PLCB1: variants seen among roughly 807,000 people sequenced by gnomAD.
PLCB1 encodes the protein phospholipase C beta 1.
A neutral mutation model predicts 161.8 loss-of-function variants in PLCB1; 46 were observed. That is an observed-to-expected ratio of 0.28 (90% CI 0.22 to 0.36). The LOEUF is 0.36. Among genes scored for constraint, PLCB1 ranks in the 10% least tolerant of loss-of-function variants. The probability of loss-of-function intolerance (pLI) is 1.00; values close to 1 mark genes in which losing one functional copy is unlikely to be tolerated. For missense variants in PLCB1, 1,016 were observed against 1,472.5 expected, an observed-to-expected ratio of 0.69 and a Z score of 5.07; for synonymous variants, 517 against 503.7, an observed-to-expected ratio of 1.03 and a Z score of -0.35.
intron 2 of PLCB1, among the ~76,000 whole-genome samples, chr20:8,272,796 T>C (rs1009808299): frequency 1.3e-5 from 2 of 152,146 alleles, no homozygotes; most frequent in African/African-American, 4.8e-5. Context: ...ATAAAAAATA[T>C]TGAAGTCCCT....
chr20:8,658,808 GT>G, intron 9 of PLCB1, 104 bp downstream of exon 9: 1 of 918,104 alleles, frequency 1.1e-6, no homozygotes, highest in Non-Finnish European at 1.6e-6. Flanking sequence ...AGTTTCCTCT[GT>G]TTACAAGGCA....
intron 2 of PLCB1, among the ~76,000 whole-genome samples, chr20:8,322,616 C>T (rs939087496): frequency 2.0e-5 from 3 of 151,826 alleles, no homozygotes; most frequent in African/African-American, 4.8e-5. Context: ...GAAGTTATTC[C>T]ACAAGCATTT....
At chr20:8,555,753 T>G (rs989676946) in intron 3 of PLCB1, among the ~76,000 whole-genome samples, 4 of 152,078 alleles carry the variant, frequency 2.6e-5, no homozygotes, top group Non-Finnish European at 5.9e-5. Context: ...TATTTGTTTG[T>G]CAGGGCTTCA....
chr20:8,308,618 CAAAAAAAAAAAA>C (rs71183088), intron 2 of PLCB1, among the ~76,000 whole-genome samples: 1 of 73,614 alleles, frequency 1.4e-5, no homozygotes, highest in African/African-American at 4.5e-5. Flanking sequence ...TTCCGTATAT[CAAAAAAAAAAAA>C]AAAAAAAAAA....
intron 3 of PLCB1, among the ~76,000 whole-genome samples, chr20:8,429,325 A>C (rs754518226): frequency 6.6e-6 from 1 of 152,244 alleles, no homozygotes; most frequent in Non-Finnish European, 1.5e-5. Context: ...GGAAAGACAA[A>C]GAATTTCCTG....
chr20:8,602,784 T>C (rs1245174793), intron 3 of PLCB1, among the ~76,000 whole-genome samples: 1 of 152,204 alleles, frequency 6.6e-6, no homozygotes, highest in Non-Finnish European at 1.5e-5. Flanking sequence ...TTCTGTGGCT[T>C]ATGAAAGAGA....
At chr20:8,176,614 TTAAA>T (rs1303379162) in intron 2 of PLCB1, among the ~76,000 whole-genome samples, 10 of 152,070 alleles carry the variant, frequency 6.6e-5, no homozygotes. Flanking sequence ...TTGTATAGAA[TTAAA>T]TACACACACA....
chr20:8,718,094 C>T (rs1032858740), intron 14 of PLCB1, among the ~76,000 whole-genome samples: 3 of 152,098 alleles, frequency 2.0e-5, no homozygotes, highest in Non-Finnish European at 2.9e-5. Flanking sequence ...GTGGCACGTA[C>T]CTGTAGTCCC....
intron 31 of PLCB1, among the ~76,000 whole-genome samples, chr20:8,833,437 G>A (rs1986110418): frequency 6.6e-6 from 1 of 152,192 alleles, no homozygotes; most frequent in Non-Finnish European, 1.5e-5. Context: ...CATTACTCAT[G>A]GGGATTATGG....
intron 2 of PLCB1, among the ~76,000 whole-genome samples, chr20:8,231,815 T>C (rs981965864): frequency 3.3e-5 from 5 of 152,138 alleles, no homozygotes; most frequent in African/African-American, 1.2e-4. Flanking sequence ...ATAGACAAAA[T>C]TATCAACCTC....
chr20:8,824,670 T>A (rs932980883), intron 31 of PLCB1, among the ~76,000 whole-genome samples: 2 of 152,184 alleles, frequency 1.3e-5, no homozygotes, highest in African/African-American at 4.8e-5. Context: ...GGCTTAGCAG[T>A]ACAATGAGGA....
chr20:8,642,383 G>A (rs768794707), intron 4 of PLCB1, among the ~76,000 whole-genome samples: 7 of 152,068 alleles, frequency 4.6e-5, no homozygotes, highest in African/African-American at 9.7e-5. Context: ...TCTTCACTGC[G>A]TCATTAAGAC....
At position 8,181,048 on chromosome 20, in the gene PLCB1, C is replaced by T. The variant is rs531739388; in HGVS notation, c.177+30677C>T. ...GGCGGATTACCTGAGGTCAGGAGTT[C>T]GAGACCAGCCTGGCCAACATGGCGA... is the stretch of plus-strand genomic sequence containing the variant. On this transcript the variant is annotated intron_variant, in intron 2 of 31. Coordinates refer to ENST00000338037, the MANE Select transcript of PLCB1 (RefSeq NM_015192.4). Among the ~76,000 whole-genome samples the T allele has an allele frequency of 5.4e-3, 815 of 151,498 alleles. 12 individuals are homozygous for T. Among genetic ancestry groups the T allele is most frequent in the Non-Finnish European group, 7.3e-3 (496 of 67,858 alleles).
At chr20:8,531,662 A>G (rs1427730584) in intron 3 of PLCB1, among the ~76,000 whole-genome samples, 1 of 152,108 alleles carries the variant, frequency 6.6e-6, no homozygotes, top group East Asian at 1.9e-4. Flanking sequence ...CTCTGTATAC[A>G]TTTGAAAAAT....
At chr20:8,572,711 C>T (rs1986559710) in intron 3 of PLCB1, among the ~76,000 whole-genome samples, 1 of 152,130 alleles carries the variant, frequency 6.6e-6, no homozygotes, top group South Asian at 2.1e-4. Context: ...AGTTACAAAA[C>T]ACAAGCTCAA....
chr20:8,267,853 C>T (rs945614988), intron 2 of PLCB1, among the ~76,000 whole-genome samples: 2 of 151,930 alleles, frequency 1.3e-5, no homozygotes, highest in Admixed American at 1.3e-4. Context: ...AGGAGAGGAC[C>T]AATCACTGGC....
chr20:8,602,038 T>A (rs1247418994), intron 3 of PLCB1, among the ~76,000 whole-genome samples: 1 of 152,192 alleles, frequency 6.6e-6, no homozygotes, highest in African/African-American at 2.4e-5. Context: ...CTGATGGTCC[T>A]CCAATGTCAC....
chr20:8,473,962 T>C (rs1329802791), intron 3 of PLCB1, among the ~76,000 whole-genome samples: 1 of 152,214 alleles, frequency 6.6e-6, no homozygotes, highest in Non-Finnish European at 1.5e-5. Context: ...CACTGATGCC[T>C]CTAAGAAATC....
At chr20:8,410,896 G>GAGGC (rs1979013953) in intron 3 of PLCB1, among the ~76,000 whole-genome samples, 1 of 152,164 alleles carries the variant, frequency 6.6e-6, no homozygotes, top group Admixed American at 6.5e-5. Flanking sequence ...TGTGAAGATG[G>GAGGC]AGGCAGAGGT....
Sources: allele counts gnomAD v4.1 joint callset (sites outside exome capture counted in the v4.1 genomes callset), GRCh38; gene constraint gnomAD v4.1.1; transcripts MANE v1.5; gene names NCBI Gene and HGNC (gene_info 2026-07-23, HGNC 2026-07-21).